CHRM3: variants seen among roughly 807,000 people sequenced by gnomAD.
CHRM3 encodes muscarinic acetylcholine receptor M3.
A neutral mutation model predicts 41.8 loss-of-function variants in CHRM3; 11 were observed. The ratio of observed to expected loss-of-function variants is 0.26; its 90% confidence interval spans 0.17 to 0.44. CHRM3 has a LOEUF of 0.44. Among genes scored for constraint, CHRM3 ranks in the 20% least tolerant of loss-of-function variants. The pLI is 1.00. For synonymous variants in CHRM3, 297 were observed against 301.4 expected, an observed-to-expected ratio of 0.99 and a Z score of 0.15; for missense variants, 571 against 745.4, an observed-to-expected ratio of 0.77 and a Z score of 2.72.
intron 3 of CHRM3, among the ~76,000 whole-genome samples, chr1:239,547,947 T>A (rs1659452466): frequency 1.3e-5 from 2 of 152,172 alleles, no homozygotes; most frequent in South Asian, 4.1e-4. Flanking sequence ...ATTTTGAATT[T>A]TGGACTGTCA....
intron 2 of CHRM3, among the ~76,000 whole-genome samples, chr1:239,518,426 A>T (rs1355532400): frequency 6.6e-6 from 1 of 152,218 alleles, no homozygotes; most frequent in Non-Finnish European, 1.5e-5. Flanking sequence ...TAGGAGGCTC[A>T]TTTATTGGTT....
intron 5 of CHRM3, among the ~76,000 whole-genome samples, chr1:239,794,603 G>A (rs1395330183): frequency 6.6e-6 from 1 of 152,118 alleles, no homozygotes; most frequent in East Asian, 1.9e-4. Flanking sequence ...ATCTCTCTGT[G>A]TTTTTATTTT....
At position 239,643,092 on chromosome 1, in the gene CHRM3, C is replaced by T. The variant is rs1256573091; in HGVS notation, c.-250+10806C>T. On this transcript the variant is annotated intron_variant, in intron 4 of 6. Coordinates refer to ENST00000676153, the MANE Select transcript of CHRM3 (RefSeq NM_001375978.1). ...CTGCAGAACAGTGGATGTTCGTGAT[C>T]CGCGAATCCTGCTGTCTGATCGTTC... Among the ~76,000 whole-genome samples the T allele has an allele frequency of 2.0e-5, 3 of 152,174 alleles. No individual in the cohort carries two copies. The East Asian group carries it at 5.8e-4, about 29-fold the overall frequency.
chr1:239,409,735 G>T (rs1331231198), intron 1 of CHRM3, among the ~76,000 whole-genome samples: 9 of 152,224 alleles, frequency 5.9e-5, no homozygotes, highest in Admixed American at 5.9e-4. Context: ...GAGGTCAGGA[G>T]ATCGAGACCT....
chr1:239,776,298 T>C (rs747026314), intron 5 of CHRM3, among the ~76,000 whole-genome samples: 13 of 152,320 alleles, frequency 8.5e-5, no homozygotes, highest in Non-Finnish European at 1.5e-4. Context: ...AAGTGCCTTA[T>C]AAGGTTGTCA....
At chr1:239,571,421 A>T (rs1405609503) in intron 3 of CHRM3, among the ~76,000 whole-genome samples, 1 of 152,202 alleles carries the variant, frequency 6.6e-6, no homozygotes, top group Non-Finnish European at 1.5e-5. Flanking sequence ...ATTCAAATCC[A>T]CACTGAGGTG....
intron 5 of CHRM3, among the ~76,000 whole-genome samples, chr1:239,790,440 A>G (rs1669248954): frequency 6.6e-6 from 1 of 152,142 alleles, no homozygotes; most frequent in Non-Finnish European, 1.5e-5. Context: ...AAATCTCATG[A>G]GATCTGATGG....
chr1:239,638,717 G>T (rs922452851), intron 4 of CHRM3, among the ~76,000 whole-genome samples: 24 of 151,928 alleles, frequency 1.6e-4, no homozygotes, highest in Admixed American at 2.6e-4. Flanking sequence ...GTAGGTTGCT[G>T]GTTCACTCTG....
At chr1:239,533,758 A>G (rs927258017) in intron 2 of CHRM3, among the ~76,000 whole-genome samples, 3 of 147,338 alleles carry the variant, frequency 2.0e-5, no homozygotes, top group African/African-American at 7.5e-5. Flanking sequence ...AAACAAAAAA[A>G]CCCTTAAAAA....
At chr1:239,636,092 C>T (rs960771647) in intron 4 of CHRM3, among the ~76,000 whole-genome samples, 10 of 152,138 alleles carry the variant, frequency 6.6e-5, no homozygotes, top group African/African-American at 2.4e-4. Context: ...CATTTCTGAT[C>T]TATAATATTG....
chr1:239,854,720 C>A (rs750347461), intron 6 of CHRM3, among the ~76,000 whole-genome samples: 1 of 152,088 alleles, frequency 6.6e-6, no homozygotes, highest in Non-Finnish European at 1.5e-5. Context: ...TTTTACCAAT[C>A]TGTTCATTCT....
At chr1:239,600,522 T>C (rs867534280) in intron 3 of CHRM3, among the ~76,000 whole-genome samples, 11 of 152,220 alleles carry the variant, frequency 7.2e-5, no homozygotes, top group Middle Eastern at 3.4e-3. Context: ...TCTCAGAATA[T>C]ATTAAGTTGA....
intron 5 of CHRM3, among the ~76,000 whole-genome samples, chr1:239,820,360 G>A (rs918523187): frequency 6.6e-6 from 1 of 152,094 alleles, no homozygotes; most frequent in African/African-American, 2.4e-5. Context: ...GTTGTCTGGG[G>A]CAAAGTCTGT....
chr1:239,550,630 T>C (rs2148437825), intron 3 of CHRM3, among the ~76,000 whole-genome samples: 1 of 152,260 alleles, frequency 6.6e-6, no homozygotes, highest in African/African-American at 2.4e-5. Context: ...CAGAAAAAAA[T>C]GAAAAGTGGC....
intron 5 of CHRM3, among the ~76,000 whole-genome samples, chr1:239,788,350 A>T (rs1376707023): frequency 6.6e-6 from 1 of 152,208 alleles, no homozygotes; most frequent in East Asian, 1.9e-4. Context: ...ACCTTCAGCA[A>T]TTAGATTTTT....
intron 3 of CHRM3, among the ~76,000 whole-genome samples, chr1:239,606,586 T>C (rs1255438064): frequency 6.6e-6 from 1 of 152,110 alleles, no homozygotes; most frequent in Non-Finnish European, 1.5e-5. Flanking sequence ...AGATTTCTAG[T>C]TTTAATTACT....
intron 4 of CHRM3, among the ~76,000 whole-genome samples, chr1:239,641,840 G>C (rs1671191363): frequency 7.8e-6 from 1 of 127,736 alleles, no homozygotes; most frequent in Non-Finnish European, 1.7e-5. Flanking sequence ...CTCGTTAGTT[G>C]ATGCAGTTTC....
At chr1:239,457,893 A>C (rs1319599237) in intron 1 of CHRM3, among the ~76,000 whole-genome samples, 1 of 152,208 alleles carries the variant, frequency 6.6e-6, no homozygotes, top group East Asian at 1.9e-4. Flanking sequence ...GTGGATCCAA[A>C]CCAAGTAACT....
In CHRM3 at chr1:239,913,965, T is replaced by C. The variant is rs544014642; in HGVS notation, c.*4741T>C. On this transcript the variant is annotated 3_prime_UTR_variant, in exon 7 of 7. Transcript: ENST00000676153. ...CTGACCCTACCACTCTGGTCTGGGC[T>C]GAGACCACCCCAAAAAATCATCTAG... 1 of 167,094 alleles carries C rather than the reference T, an allele frequency of 6.0e-6. No individual in the cohort carries two copies. The highest frequency in any genetic ancestry group is 6.5e-5 in the Admixed American group (1 of 15,294). The allele number at this position is 167,094 out of a possible 1,614,324, so 10.4% of individuals were successfully genotyped here.
Sources: gnomAD v4.1 joint callset for allele counts (sites outside exome capture counted in the v4.1 genomes callset) on GRCh38, gnomAD v4.1.1 for gene constraint, MANE v1.5 for transcripts, NCBI Gene and HGNC (gene_info 2026-07-23, HGNC 2026-07-21) for gene names.